The following BANP variants were observed in gnomAD, a reference collection of about 807,000 sequenced individuals.
BANP encodes protein BANP.
A neutral mutation model predicts 68.1 loss-of-function variants in BANP; 11 were observed. The ratio of observed to expected loss-of-function variants is 0.16; its 90% CI spans 0.10 to 0.27. The LOEUF (loss-of-function observed/expected upper bound fraction) is 0.27. Ranked by LOEUF, BANP falls within the 10% of genes least tolerant of loss-of-function variation. The pLI, the probability that BANP is intolerant of heterozygous loss-of-function variation, is 1.00. For synonymous variants in BANP, 329 were observed against 303.2 expected (o/e 1.09, Z -0.88); for missense variants, 504 against 722.7 (o/e 0.70, Z 3.47).
At chr16:88,021,957 T>C (rs2076116229) in intron 7 of BANP, among the ~76,000 whole-genome samples, 1 of 152,146 alleles carries the variant, frequency 6.6e-6, no homozygotes, top group Non-Finnish European at 1.5e-5. Flanking sequence ...AGTCTCTAAG[T>C]ACCACCTTCT....
intron 9 of BANP, among the ~76,000 whole-genome samples, chr16:88,033,760 G>C (rs991463062): frequency 2.0e-5 from 3 of 152,242 alleles, no homozygotes; most frequent in Non-Finnish European, 2.9e-5. Context: ...TCAATGTCCT[G>C]CCTTGCCCGT....
intron 12 of BANP, among the ~76,000 whole-genome samples, chr16:88,067,312 A>C (rs1210336518): frequency 2.6e-5 from 4 of 152,088 alleles, no homozygotes; most frequent in African/African-American, 4.8e-5. Flanking sequence ...CTCAGCCCCC[A>C]GCCAGTGTCA....
intron 11 of BANP, among the ~76,000 whole-genome samples, chr16:88,041,768 C>T (rs141494100): frequency 6.6e-6 from 1 of 152,212 alleles, no homozygotes; most frequent in African/African-American, 2.4e-5. Flanking sequence ...CACAGCTGTT[C>T]GTTGACTCTG....
rs112753055 is a variant in BANP, at chr16:87,989,698, A to G, written c.362+5439A>G. Among the ~76,000 whole-genome samples, 10 of 92,314 alleles carry G rather than the reference A, an allele frequency of 1.1e-4. 3 individuals are homozygous for G. The highest frequency in any genetic ancestry group is 4.0e-4 in the African/African-American group (8 of 20,000). The allele number at this position is 92,314 out of a possible 152,430, so 60.6% of individuals were successfully genotyped here. ...TGGCTGCGCATATCCAGGACACAGG[A>G]CACAGGGTGGGCGACGGGGGATGCA... is the stretch of plus-strand genomic sequence containing the variant. On this transcript the variant is annotated intron_variant, in intron 4 of 13. Coordinates refer to ENST00000682872, the MANE Select transcript of BANP (RefSeq NM_001386991.1).
chr16:87,953,788 C>G (rs1567561510), intron 1 of BANP, among the ~76,000 whole-genome samples: 2 of 152,342 alleles, frequency 1.3e-5, no homozygotes, highest in East Asian at 3.9e-4. Flanking sequence ...CCCTGTCCTT[C>G]TCATCTGGAT....
chr16:88,020,502 C>G lies in BANP; in HGVS notation c.895+1835C>G, dbSNP rs529340372. Among the ~76,000 whole-genome samples the G allele has an allele frequency of 9.9e-5, 15 of 152,252 alleles. 1 individual carries two copies. The highest frequency in any genetic ancestry group is 5.9e-4 in the Admixed American group (9 of 15,288). On this transcript the variant is annotated intron_variant, in intron 7 of 13. Transcript: ENST00000682872. ...GACGAATGAGAAATGGCCCTGATGG[C>G]AGAGCGTGCGGTCAGGTAGATAGAA...
At chr16:88,040,492 G>A (rs533676512) in intron 11 of BANP, among the ~76,000 whole-genome samples, 23 of 150,726 alleles carry the variant, frequency 1.5e-4, no homozygotes, top group South Asian at 4.2e-4. Flanking sequence ...CAGAAGCCCC[G>A]AGCAGTGCGG....
intron 10 of BANP, chr16:88,037,711 C>T: frequency 2.0e-6 from 1 of 503,558 alleles, no homozygotes; most frequent in Non-Finnish European, 3.6e-6. Flanking sequence ...GTAAAAATGA[C>T]ATTTTCATTT....
chr16:88,047,654 T>C (rs2082328547), intron 11 of BANP, among the ~76,000 whole-genome samples: 1 of 152,200 alleles, frequency 6.6e-6, no homozygotes, highest in African/African-American at 2.4e-5. Context: ...CTGATGTTCT[T>C]AGTGGGAACA....
chr16:88,057,504 A>ACT lies in BANP; in HGVS notation c.1312-7763_1312-7762insCT, dbSNP rs1251433105. Reference sequence around the variant, plus strand: ...CGTGTTCACCTCGTCAGAGTCAAGAAACGAGGAGTGAAAAACACCCCTCAG... The same window carrying ACT: ...CGTGTTCACCTCGTCAGAGTCAAGAACTACGAGGAGTGAAAAACACCCCTCAG... On this transcript the variant is annotated intron_variant, in intron 11 of 13. Coordinates refer to ENST00000682872, the MANE Select transcript of BANP (RefSeq NM_001386991.1). This position sits in a 1 kb window ranked among gnomAD's most constrained non-coding sequence, Gnocchi z 4.6. 6.6e-6 allele frequency among the ~76,000 whole-genome samples: 1 copy of ACT among 152,052 alleles called. No homozygotes were observed. Among genetic ancestry groups the ACT allele is most frequent in the Non-Finnish European group, 1.5e-5 (1 of 67,996 alleles).
intron 1 of BANP, among the ~76,000 whole-genome samples, chr16:87,968,761 C>T (rs544532973): frequency 3.9e-5 from 6 of 152,084 alleles, no homozygotes; most frequent in Non-Finnish European, 7.4e-5. Flanking sequence ...AGTGTTGATC[C>T]TAGCACCAGT....
chr16:88,058,766 G>T (rs1353712101), intron 11 of BANP, among the ~76,000 whole-genome samples: 1 of 152,154 alleles, frequency 6.6e-6, no homozygotes, highest in East Asian at 1.9e-4. Flanking sequence ...TGGCTGCATT[G>T]TGTAATTGGC....
chr16:88,039,478 T>C (rs1169327587), intron 11 of BANP, among the ~76,000 whole-genome samples: 1 of 145,378 alleles, frequency 6.9e-6, no homozygotes, highest in Non-Finnish European at 1.6e-5. Context: ...TGTATCATAG[T>C]TGAAACGCTG....
At chr16:87,996,157 G>A (rs766475007) in intron 4 of BANP, among the ~76,000 whole-genome samples, 3 of 152,200 alleles carry the variant, frequency 2.0e-5, no homozygotes, top group Non-Finnish European at 2.9e-5. Context: ...AGCAGCCACC[G>A]ACGGCGGTGT....
rs922763242 is a variant in BANP, at chr16:88,076,811, C to T, written c.*150C>T. ...CCGCTGCCTCCGCGGGGAACAGCAT[C>T]CTATCAACTGAAAGAGCAGCCGCCG... is the stretch of plus-strand genomic sequence containing the variant. On this transcript the variant is annotated 3_prime_UTR_variant, in exon 14 of 14. Coordinates refer to ENST00000682872, the MANE Select transcript of BANP (RefSeq NM_001386991.1). The T allele has an allele frequency of 4.8e-5, 31 of 652,112 alleles. No homozygotes were observed. The highest frequency in any genetic ancestry group is 6.6e-5 in the Admixed American group (2 of 30,508). The allele number at this position is 652,112 out of a possible 1,614,324, so 40.4% of individuals were successfully genotyped here.
intron 11 of BANP, among the ~76,000 whole-genome samples, chr16:88,052,056 G>C (rs79207808): frequency 0.017 from 2,561 of 152,256 alleles, 73 homozygotes; most frequent in African/African-American, 0.058. Flanking sequence ...TGTATCTGGA[G>C]TTTCTCTCAT....
chr16:88,066,829 G>A (rs776539856), intron 12 of BANP, among the ~76,000 whole-genome samples: 11 of 152,126 alleles, frequency 7.2e-5, no homozygotes, highest in Non-Finnish European at 1.3e-4. Flanking sequence ...CGGTGCGGGC[G>A]CTCCCTCTCG....
chr16:87,975,259 T>A, intron 2 of BANP, 74 bp downstream of exon 2: 1 of 1,462,070 alleles, frequency 6.8e-7, no homozygotes, highest in Non-Finnish European at 9.5e-7. Context: ...CTCCAGTTAT[T>A]TTCTTTCCTT....
intron 7 of BANP, among the ~76,000 whole-genome samples, chr16:88,023,610 GCC>G (rs1567786797): frequency 6.6e-6 from 1 of 152,194 alleles, no homozygotes; most frequent in Non-Finnish European, 1.5e-5. Flanking sequence ...GACTGATAAA[GCC>G]CCATGCCACC....
Sources: gnomAD v4.1 joint callset for allele counts (sites outside exome capture counted in the v4.1 genomes callset) on GRCh38, gnomAD v4.1.1 for gene constraint, Gnocchi (gnomAD v3.1) non-coding constraint, MANE v1.5 for transcripts, NCBI Gene and HGNC (gene_info 2026-07-23, HGNC 2026-07-21) for gene names.